Variants in CHST3 observed in about 807,000 individuals in gnomAD.
CHST3 encodes carbohydrate sulfotransferase 3.
In CHST3, 20 loss-of-function variants were observed where a neutral mutation model predicts 35.4. The observed-to-expected ratio is 0.57, with a 90% CI of 0.40 to 0.82. The LOEUF is 0.82. CHST3 is among the 40% of genes least tolerant of loss of function. CHST3 has a pLI of 0.00. For synonymous variants in CHST3, 334 were observed against 295.9 expected (o/e 1.13, Z -1.32); for missense variants, 693 against 670.1 (o/e 1.03, Z -0.38).
rs1372732283 is a variant in CHST3, at chr10:72,003,555, G to C, written c.-107-2181G>C. The stretch of plus-strand genomic sequence containing the variant: ...TCTCTACCAAAAAATACAAAAATTA[G>C]CTGGGAGTGGTGGCACACGCCTGTA... On this transcript the variant is annotated intron_variant, in intron 1 of 2. Transcript: ENST00000373115. Among the ~76,000 whole-genome samples, 4 of 152,060 alleles carry C rather than the reference G, an allele frequency of 2.6e-5. No homozygotes were observed. In the East Asian group the frequency reaches 7.7e-4, roughly 29 times the overall value.
At chr10:72,007,127 G>T (rs1265035278) in intron 2 of CHST3, 45 bp from the exon 3 acceptor site, 3 of 1,605,478 alleles carry the variant, frequency 1.9e-6, no homozygotes, top group Admixed American at 1.7e-5. Context: ...CCAGGAGACG[G>T]GGTCCCCAGT....
At chr10:71,988,884 C>T (rs528955284) in intron 1 of CHST3, among the ~76,000 whole-genome samples, 8 of 152,206 alleles carry the variant, frequency 5.3e-5, no homozygotes, top group African/African-American at 1.7e-4. Context: ...TTTGCCAGGC[C>T]GGGTGTGGTG....
intron 2 of CHST3, 136 bp from the exon 3 acceptor site, chr10:72,007,036 T>A: frequency 1.1e-6 from 1 of 937,908 alleles, no homozygotes; most frequent in Admixed American, 2.0e-5. Flanking sequence ...TAAACACAAA[T>A]CCTTGCCTCA....
At chr10:71,976,350 C>G (rs894207940) in intron 1 of CHST3, among the ~76,000 whole-genome samples, 1 of 152,180 alleles carries the variant, frequency 6.6e-6, no homozygotes, top group Non-Finnish European at 1.5e-5. Flanking sequence ...TGTGGGGACA[C>G]GGGTCTGCGG....
intron 1 of CHST3, among the ~76,000 whole-genome samples, chr10:71,969,637 C>G (rs947116978): frequency 6.6e-6 from 1 of 152,226 alleles, no homozygotes; most frequent in Non-Finnish European, 1.5e-5. Flanking sequence ...GCCCTCTCCC[C>G]CTCCACTGCA....
chr10:72,002,854 T>G (rs751239537), intron 1 of CHST3, among the ~76,000 whole-genome samples: 27 of 152,142 alleles, frequency 1.8e-4, no homozygotes, highest in Non-Finnish European at 2.8e-4. Context: ...GCCTCACCAT[T>G]GATTTTTGGA....
At chr10:72,001,819 G>A (rs571786110) in intron 1 of CHST3, among the ~76,000 whole-genome samples, 32 of 152,308 alleles carry the variant, frequency 2.1e-4, no homozygotes, top group African/African-American at 7.2e-4. Flanking sequence ...AAGAGAAGGA[G>A]GAAGAGATTT....
Position 71,998,276 on chromosome 10 carries a change from G to A in CHST3, c.-107-7460G>A, listed in dbSNP as rs184932909. Reference sequence around the variant, plus strand: ...ATGCACCACAGTTACCCAGCCTGCCGGCTCTGATAAGATGCTCGCCATGCT... The same window carrying A: ...ATGCACCACAGTTACCCAGCCTGCCAGCTCTGATAAGATGCTCGCCATGCT... On this transcript the variant is annotated intron_variant, in intron 1 of 2. Coordinates refer to ENST00000373115, the MANE Select transcript of CHST3 (RefSeq NM_004273.5). Among the ~76,000 whole-genome samples the A allele has an allele frequency of 4.3e-4, 66 of 152,362 alleles. No homozygotes were observed. In the East Asian group the frequency reaches 0.011, roughly 25 times the overall value.
At chr10:71,971,414 T>C (rs1839693696) in intron 1 of CHST3, among the ~76,000 whole-genome samples, 1 of 152,214 alleles carries the variant, frequency 6.6e-6, no homozygotes, top group Non-Finnish European at 1.5e-5. Context: ...TGCAGACCAG[T>C]CTGCAGGTTG....
At chr10:71,984,370 G>T (rs1340928898) in intron 1 of CHST3, among the ~76,000 whole-genome samples, 1 of 152,204 alleles carries the variant, frequency 6.6e-6, no homozygotes, top group Non-Finnish European at 1.5e-5. Flanking sequence ...GCTGTGGAGC[G>T]CACTTTCTCA....
chr10:71,988,952 C>T (rs1589502401), intron 1 of CHST3, among the ~76,000 whole-genome samples: 1 of 152,094 alleles, frequency 6.6e-6, no homozygotes, highest in African/African-American at 2.4e-5. Context: ...CACTTGAGGT[C>T]AGGAATTCGA....
At chr10:71,980,251 A>G (rs1320548651) in intron 1 of CHST3, among the ~76,000 whole-genome samples, 5 of 152,184 alleles carry the variant, frequency 3.3e-5, no homozygotes, top group Non-Finnish European at 5.9e-5. Context: ...ACAGTGGCTC[A>G]TGTCTGTAAT....
chr10:72,004,913 T>G (rs556461427), intron 1 of CHST3, among the ~76,000 whole-genome samples: 1 of 152,294 alleles, frequency 6.6e-6, no homozygotes, highest in Admixed American at 6.5e-5. Context: ...GTGGATTGCT[T>G]GCACTCAGGA....
intron 1 of CHST3, among the ~76,000 whole-genome samples, chr10:71,991,838 G>A (rs1048840299): frequency 6.6e-6 from 1 of 151,968 alleles, no homozygotes; most frequent in Non-Finnish European, 1.5e-5. Flanking sequence ...GGAGGCTGAG[G>A]CAGGAGAATC....
At position 72,010,337 on chromosome 10, in the gene CHST3, C is replaced by G. The variant is rs1840096870; in HGVS notation, c.*1866C>G. On this transcript the variant is annotated 3_prime_UTR_variant, in exon 3 of 3. Transcript: ENST00000373115. ...CTGCTTCTGGTTTCCTGGACAATTT[C>G]TCTGTCAGATACGGCCCATTGTAAA... 1.3e-5 allele frequency: 2 copies of G among 152,262 alleles called. No individual in the cohort carries two copies. The highest frequency in any genetic ancestry group is 4.1e-4 in the South Asian group (2 of 4,826). The allele number at this position is 152,262 out of a possible 1,614,324, so 9.4% of individuals were successfully genotyped here.
intron 1 of CHST3, among the ~76,000 whole-genome samples, chr10:72,000,643 T>G (rs1839984373): frequency 6.6e-6 from 1 of 152,142 alleles, no homozygotes; most frequent in Admixed American, 6.5e-5. Flanking sequence ...GAGCAGGGTC[T>G]GGATCTTGAA....
At chr10:71,975,408 C>G (rs1839735620) in intron 1 of CHST3, among the ~76,000 whole-genome samples, 1 of 152,232 alleles carries the variant, frequency 6.6e-6, no homozygotes, top group Non-Finnish European at 1.5e-5. Context: ...CAGAGAACCA[C>G]AGAAGGTGGA....
chr10:71,989,249 C>G (rs1181669594), intron 1 of CHST3, among the ~76,000 whole-genome samples: 1 of 152,062 alleles, frequency 6.6e-6, no homozygotes, highest in Non-Finnish European at 1.5e-5. Context: ...TCGAGACAAG[C>G]CTGGACAACA....
chr10:72,007,836 C>T lies in CHST3; in HGVS notation c.805C>T (p.His269Tyr). 6.2e-7 allele frequency: 1 copy of T among 1,605,474 alleles called. No individual in the cohort carries two copies. Among genetic ancestry groups the T allele is most frequent in the Non-Finnish European group, 8.5e-7 (1 of 1,179,334 alleles). The change falls in exon 3 of 3, where the codon CAC (histidine) becomes TAC (tyrosine). Residue 269 changes from histidine to tyrosine, a missense_variant. His to Tyr is a moderately conservative substitution (Grantham distance 83). Coordinates refer to ENST00000373115, the MANE Select transcript of CHST3 (RefSeq NM_004273.5). Reference protein sequence around the residue: ...LAAEACRRKEHMALKAVRIRQ... With the variant: ...LAAEACRRKEYMALKAVRIRQ... ...CGCAGAGGCCTGCCGCCGCAAGGAG[C>T]ACATGGCCCTCAAGGCGGTGCGCAT...
Sources: allele counts gnomAD v4.1 joint callset (sites outside exome capture counted in the v4.1 genomes callset), GRCh38; gene constraint gnomAD v4.1.1; transcripts MANE v1.5; gene names NCBI Gene and HGNC (gene_info 2026-07-23, HGNC 2026-07-21).